Variants in KIF26B observed in about 807,000 individuals in gnomAD.
KIF26B encodes kinesin family member 26B.
A neutral mutation model predicts 151.2 loss-of-function variants in KIF26B; 63 were observed. The ratio of observed to expected loss-of-function variants is 0.42; its 90% confidence interval spans 0.34 to 0.51. The LOEUF (loss-of-function observed/expected upper bound fraction) is 0.51, where lower values mean the gene tolerates loss of function less well. Ranked by LOEUF, KIF26B falls within the 20% of genes least tolerant of loss-of-function variation. The pLI is 0.07. For synonymous variants in KIF26B, 1,357 were observed against 1,262.1 expected (o/e 1.08, Z -1.59); for missense variants, 2,813 against 2,913.6 (o/e 0.97, Z 0.79).
chr1:245,303,008 A>AAAAAAG (rs1558381421), intron 2 of KIF26B, among the ~76,000 whole-genome samples: 4 of 149,664 alleles, frequency 2.7e-5, no homozygotes, highest in Non-Finnish European at 4.4e-5. Flanking sequence ...AAAAAAAAAA[A>AAAAAAG]AAAAAGAAAG....
Position 245,688,369 on chromosome 1 carries a change from G to T in KIF26B, c.5386G>T (p.Ala1796Ser). The T allele has an allele frequency of 6.5e-7, 1 of 1,547,582 alleles. No homozygotes were observed. The highest frequency in any genetic ancestry group is 8.7e-7 in the Non-Finnish European group (1 of 1,155,580). The change falls in exon 12 of 15, where the codon GCC (alanine) becomes TCC (serine). Residue 1796 changes from alanine to serine, a missense_variant. By Grantham distance (99) the Ala-to-Ser change is moderately conservative. Around this residue, in one of 3 missense-constraint regions of KIF26B, gnomAD observed 2,060 missense variants for 2,088.6 expected, o/e 0.99. Coordinates refer to ENST00000407071, the MANE Select transcript of KIF26B (RefSeq NM_018012.4). ...CAGCAGGAACAGGAGCTCGGGCCTG[G>T]CCTCCAAGCTTCCCCTGCGGGCCGT... is the stretch of plus-strand genomic sequence containing the variant. ...SLSRNRSSGL[A>S]SKLPLRAVSG...
At chr1:245,453,727 A>G (rs796730964) in intron 4 of KIF26B, among the ~76,000 whole-genome samples, 2 of 152,194 alleles carry the variant, frequency 1.3e-5, no homozygotes, top group South Asian at 4.1e-4. Context: ...ATTACAAACG[A>G]TAGGGGAAAA....
intron 2 of KIF26B, among the ~76,000 whole-genome samples, chr1:245,184,127 C>T (rs1668962592): frequency 7.6e-6 from 1 of 131,742 alleles, no homozygotes; most frequent in Non-Finnish European, 1.6e-5. Flanking sequence ...TCAGTTATAG[C>T]TCTGGGAAAG....
chr1:245,579,587 A>AT (rs1477997342), intron 5 of KIF26B, among the ~76,000 whole-genome samples: 1 of 152,200 alleles, frequency 6.6e-6, no homozygotes, highest in Non-Finnish European at 1.5e-5. Flanking sequence ...AGGCGGGTGG[A>AT]TCACCTGAGG....
At chr1:245,505,066 G>A (rs1297397784) in intron 4 of KIF26B, among the ~76,000 whole-genome samples, 1 of 151,846 alleles carries the variant, frequency 6.6e-6, no homozygotes, top group Non-Finnish European at 1.5e-5. Context: ...AGCCTCCCAA[G>A]TAGTTGGGAT....
At chr1:245,269,611 C>G (rs1013384095) in intron 2 of KIF26B, among the ~76,000 whole-genome samples, 1 of 151,834 alleles carries the variant, frequency 6.6e-6, no homozygotes, top group Non-Finnish European at 1.5e-5. Flanking sequence ...ATTATAGGCG[C>G]CTGCCACCAC....
chr1:245,241,338 G>C lies in KIF26B; in HGVS notation c.465+84655G>C, dbSNP rs1400258229. 3.3e-5 allele frequency among the ~76,000 whole-genome samples: 5 copies of C among 152,192 alleles called. No individual in the cohort carries two copies. Among genetic ancestry groups the C allele is most frequent in the African/African-American group, 1.2e-4 (5 of 41,444 alleles). ...TGGGTTTTAGATCCTCATTTGGCCA[G>C]AGGGAGGCAGCTGGATCGGCTTCTC... On this transcript the variant is annotated intron_variant, in intron 2 of 14. Transcript: ENST00000407071. The surrounding 1 kb of genome is among the most constrained non-coding windows in gnomAD (Gnocchi z 5.0).
chr1:245,340,977 G>A (rs897056918), intron 2 of KIF26B, among the ~76,000 whole-genome samples: 2 of 152,190 alleles, frequency 1.3e-5, no homozygotes, highest in Admixed American at 6.5e-5. Context: ...GATTTGAGAC[G>A]TATTTAGGAG....
intron 6 of KIF26B, among the ~76,000 whole-genome samples, chr1:245,604,382 C>G (rs150090542): frequency 5.9e-5 from 9 of 152,312 alleles, no homozygotes; most frequent in Admixed American, 1.3e-4. Context: ...ATGTTACAGG[C>G]TCCATTCATT....
chr1:245,681,748 C>T (rs114793989), intron 10 of KIF26B, among the ~76,000 whole-genome samples: 2,119 of 152,274 alleles, frequency 0.014, 48 homozygotes, highest in African/African-American at 0.049. Flanking sequence ...AATGTACAAT[C>T]ATGTTACCCA....
chr1:245,414,209 A>G (rs775642741), intron 3 of KIF26B, among the ~76,000 whole-genome samples: 14 of 152,230 alleles, frequency 9.2e-5, no homozygotes, highest in Non-Finnish European at 1.6e-4. Context: ...TGTTATAGGT[A>G]GCAGCAAGAA....
At chr1:245,306,506 A>G (rs1671541843) in intron 2 of KIF26B, among the ~76,000 whole-genome samples, 2 of 152,364 alleles carry the variant, frequency 1.3e-5, no homozygotes, top group South Asian at 4.1e-4. Context: ...TAAATGGATG[A>G]ATTATATTTC....
At chr1:245,410,708 C>G (rs1194551095) in intron 3 of KIF26B, among the ~76,000 whole-genome samples, 2 of 152,166 alleles carry the variant, frequency 1.3e-5, no homozygotes, top group African/African-American at 4.8e-5. Flanking sequence ...CCTCGGCCCC[C>G]CAAAGGCTTG....
intron 4 of KIF26B, among the ~76,000 whole-genome samples, chr1:245,436,841 G>C (rs1425177865): frequency 1.3e-5 from 2 of 151,602 alleles, no homozygotes; most frequent in African/African-American, 4.8e-5. Flanking sequence ...TATTGAGACT[G>C]GCTGAGGTTC....
intron 2 of KIF26B, among the ~76,000 whole-genome samples, chr1:245,274,436 C>T (rs1670906142): frequency 6.6e-6 from 1 of 151,954 alleles, no homozygotes; most frequent in African/African-American, 2.4e-5. Context: ...CATATATCCT[C>T]ATTATTCAAC....
At chr1:245,401,892 A>AAC (rs1239651968) in intron 3 of KIF26B, among the ~76,000 whole-genome samples, 2 of 148,476 alleles carry the variant, frequency 1.3e-5, no homozygotes, top group East Asian at 2.0e-4. Context: ...CAAACAAAGA[A>AAC]ACACACACAC....
intron 4 of KIF26B, among the ~76,000 whole-genome samples, chr1:245,500,706 C>T (rs188512047): frequency 7.2e-4 from 110 of 152,324 alleles, no homozygotes; most frequent in African/African-American, 2.6e-3. Flanking sequence ...GGCTGGGCCC[C>T]GGCCAACTAG....
Position 245,620,026 on chromosome 1 carries a change from G to A in KIF26B, c.2098+8050G>A, listed in dbSNP as rs571583841. 1.1e-3 allele frequency among the ~76,000 whole-genome samples: 167 copies of A among 152,154 alleles called. 1 individual carries two copies. Among genetic ancestry groups the A allele is most frequent in the Non-Finnish European group, 3.1e-4 (21 of 68,004 alleles). On this transcript the variant is annotated intron_variant, in intron 9 of 14. Coordinates refer to ENST00000407071, the MANE Select transcript of KIF26B (RefSeq NM_018012.4). ...CCTTTCACGTAAGCAGATGGTATTA[G>A]GTCAGAGAAGCCTCACAACGCAACA...
chr1:245,380,938 T>C (rs1673393785), intron 3 of KIF26B, among the ~76,000 whole-genome samples: 1 of 128,430 alleles, frequency 7.8e-6, no homozygotes. Flanking sequence ...CGAAAGACAC[T>C]GATGGGCCAA....
Sources: gnomAD v4.1 joint callset for allele counts (sites outside exome capture counted in the v4.1 genomes callset) on GRCh38, gnomAD v4.1.1 for gene constraint, gnomAD v4.1.1 regional missense constraint, Gnocchi (gnomAD v3.1) non-coding constraint, MANE v1.5 for transcripts, NCBI Gene and HGNC (gene_info 2026-07-23, HGNC 2026-07-21) for gene names.